PAK2: variants seen among roughly 807,000 people sequenced by gnomAD.
The protein encoded by PAK2 is serine/threonine-protein kinase PAK 2.
Under a neutral mutation model 65.9 loss-of-function variants are expected in PAK2, and 21 were observed. The ratio of observed to expected loss-of-function variants is 0.32; its 90% CI spans 0.23 to 0.46. The LOEUF (loss-of-function observed/expected upper bound fraction) is 0.46, where lower values mean the gene tolerates loss of function less well. PAK2 is among the 20% of genes least tolerant of loss of function. PAK2 has a pLI of 1.00. For missense variants in PAK2, 324 were observed against 642.6 expected, an observed-to-expected ratio of 0.50 and a Z score of 5.36; for synonymous variants, 204 against 219.7, an observed-to-expected ratio of 0.93 and a Z score of 0.63.
intron 13 of PAK2, among the ~76,000 whole-genome samples, chr3:196,821,550 G>A (rs1167400117): frequency 6.6e-6 from 1 of 151,992 alleles, no homozygotes; most frequent in Non-Finnish European, 1.5e-5. Flanking sequence ...GAGCATGGTG[G>A]TGGGTGCCTG....
In PAK2 at chr3:196,791,162, A is replaced by G. The variant is rs1715057776; in HGVS notation, c.187+8329A>G. ...GAGTCGTTATATAAGAGTATTAAAGACATTCTGTTGGTATAGCAATATCTT... is the reference window on the plus strand; with the variant it reads ...GAGTCGTTATATAAGAGTATTAAAGGCATTCTGTTGGTATAGCAATATCTT... On this transcript the variant is annotated intron_variant, in intron 2 of 14. Coordinates refer to ENST00000327134, the MANE Select transcript of PAK2 (RefSeq NM_002577.4). This position sits in a 1 kb window ranked among gnomAD's most constrained non-coding sequence, Gnocchi z 4.0. Among the ~76,000 whole-genome samples, 1 of 152,174 alleles carries G rather than the reference A, an allele frequency of 6.6e-6. No individual in the cohort carries two copies. Among genetic ancestry groups the G allele is most frequent in the Admixed American group, 6.5e-5 (1 of 15,272 alleles).
Position 196,803,124 on chromosome 3 carries a change from C to T in PAK2, c.396C>T (p.Ser132=). The change falls in exon 4 of 15, where the codon TCC becomes TCT. Residue 132 remains serine, a synonymous_variant. Coordinates refer to ENST00000327134, the MANE Select transcript of PAK2 (RefSeq NM_002577.4). The stretch of plus-strand genomic sequence containing the variant: ...TGGATGTCCTAAAGTTCTACGACTC[C>T]AACACAGTGAAGCAGAAATATCTGA... The part of the protein sequence containing the change: ...AVLDVLKFYD[S]NTVKQKYLSF... 1 of 1,612,168 alleles carries T rather than the reference C, an allele frequency of 6.2e-7. No homozygotes were observed. Among genetic ancestry groups the T allele is most frequent in the Non-Finnish European group, 8.5e-7 (1 of 1,179,114 alleles).
At chr3:196,749,070 G>A (rs149987143) in intron 1 of PAK2, among the ~76,000 whole-genome samples, 26 of 129,402 alleles carry the variant, frequency 2.0e-4, no homozygotes, top group African/African-American at 7.1e-4. Context: ...TAGCATGTCA[G>A]AAGTTCTTTT....
intron 1 of PAK2, among the ~76,000 whole-genome samples, chr3:196,748,574 A>T (rs895148295): frequency 1.1e-4 from 17 of 150,550 alleles, no homozygotes; most frequent in Non-Finnish European, 2.2e-4. Flanking sequence ...AGTTGGAATT[A>T]TATAGCGTGT....
intron 1 of PAK2, among the ~76,000 whole-genome samples, chr3:196,776,894 C>T (rs1372371039): frequency 6.6e-6 from 1 of 152,098 alleles, no homozygotes; most frequent in Non-Finnish European, 1.5e-5. Flanking sequence ...GAAGAAAATC[C>T]ACAATTATGT....
In PAK2 at chr3:196,804,789, TA is replaced by T. The variant is rs1715529122; in HGVS notation, c.437-562del. Among the ~76,000 whole-genome samples, 6 of 132,982 alleles carry T rather than the reference TA, an allele frequency of 4.5e-5. No individual in the cohort carries two copies. The Admixed American group carries it at 4.9e-4, about 11-fold the overall frequency. The allele number at this position is 132,982 out of a possible 152,430, so 87.2% of individuals were successfully genotyped here. On this transcript the variant is annotated intron_variant, in intron 4 of 14. Transcript: ENST00000327134. ...CGGCCTGTGCGTATGTAATATGTGA[TA>T]TGTGTGTGTGTGTGTGATATATATA...
At chr3:196,746,456 CAT>C (rs1433927603) in intron 1 of PAK2, among the ~76,000 whole-genome samples, 1 of 152,174 alleles carries the variant, frequency 6.6e-6, no homozygotes, top group Non-Finnish European at 1.5e-5. Context: ...AAATCCCACT[CAT>C]ATTAGTCCTG....
intron 4 of PAK2, 113 bp from the exon 5 acceptor site, chr3:196,805,239 C>T: frequency 1.6e-6 from 1 of 618,148 alleles, no homozygotes; most frequent in Non-Finnish European, 2.8e-6. Context: ...AGAGTTAATT[C>T]AACTTGAAAT....
At chr3:196,792,619 A>T (rs1715108825) in intron 2 of PAK2, among the ~76,000 whole-genome samples, 1 of 152,220 alleles carries the variant, frequency 6.6e-6, no homozygotes, top group Admixed American at 6.5e-5. Context: ...AACTAGTAGT[A>T]TCTTTGTAAA....
intron 1 of PAK2, among the ~76,000 whole-genome samples, chr3:196,768,886 G>A (rs1415426440): frequency 6.6e-6 from 1 of 151,632 alleles, no homozygotes; most frequent in Non-Finnish European, 1.5e-5. Flanking sequence ...GGATGGCCTC[G>A]AACTCCCAGA....
chr3:196,804,157 A>G (rs1715506350), intron 4 of PAK2, among the ~76,000 whole-genome samples: 2 of 152,206 alleles, frequency 1.3e-5, no homozygotes, highest in Admixed American at 6.5e-5. Flanking sequence ...TTCAAAAGCA[A>G]TATGATGGAG....
intron 11 of PAK2, among the ~76,000 whole-genome samples, chr3:196,814,782 C>T (rs1340767742): frequency 6.6e-6 from 1 of 152,040 alleles, no homozygotes; most frequent in Non-Finnish European, 1.5e-5. Context: ...GAATTGTGGA[C>T]CTTTGAAGAT....
At chr3:196,765,143 CTTTTT>C (rs58406576) in intron 1 of PAK2, among the ~76,000 whole-genome samples, 4 of 98,864 alleles carry the variant, frequency 4.0e-5, no homozygotes, top group African/African-American at 8.2e-5. Flanking sequence ...CGTGCCCGGC[CTTTTT>C]TTTTTTTTTT....
Position 196,832,264 on chromosome 3 carries a change from C to T in PAK2, c.*3859C>T, listed in dbSNP as rs1464852879. ...AGAAACAGTTACGTGTGGAATTCAA[C>T]ATCTTTGGTTGGAACGCATTGGCTT... On this transcript the variant is annotated 3_prime_UTR_variant, in exon 15 of 15. Transcript: ENST00000327134. 2 of 152,122 alleles carry T rather than the reference C, an allele frequency of 1.3e-5. No homozygotes were observed. The highest frequency in any genetic ancestry group is 2.9e-5 in the Non-Finnish European group (2 of 68,022). 9.4% of individuals were successfully genotyped at this position (152,122 alleles called of 1,614,324 possible). A position where few individuals can be genotyped will look rare whatever the true frequency, so the allele number is the denominator to read the frequency against.
chr3:196,760,719 G>A (rs1351076036), intron 1 of PAK2, among the ~76,000 whole-genome samples: 1 of 152,190 alleles, frequency 6.6e-6, no homozygotes, highest in Non-Finnish European at 1.5e-5. Context: ...TGCTTTGCTG[G>A]TGAAGATTCT....
chr3:196,825,372 A>G (rs138447759), intron 13 of PAK2, among the ~76,000 whole-genome samples: 2,628 of 151,470 alleles, frequency 0.017, 77 homozygotes, highest in African/African-American at 0.059. Flanking sequence ...GGCCAGATGC[A>G]GTGGCTCACA....
intron 4 of PAK2, among the ~76,000 whole-genome samples, chr3:196,803,939 A>G: frequency 6.6e-6 from 1 of 152,194 alleles, no homozygotes; most frequent in East Asian, 1.9e-4. Flanking sequence ...AGTTCATACA[A>G]CGCAGTTGGT....
chr3:196,760,349 C>G (rs1713919329), intron 1 of PAK2, among the ~76,000 whole-genome samples: 1 of 152,174 alleles, frequency 6.6e-6, no homozygotes, highest in Non-Finnish European at 1.5e-5. Flanking sequence ...CTCCCGGGTT[C>G]AAGCAATTCT....
At chr3:196,755,670 C>G (rs904495360) in intron 1 of PAK2, among the ~76,000 whole-genome samples, 9 of 152,074 alleles carry the variant, frequency 5.9e-5, no homozygotes, top group African/African-American at 1.7e-4. Context: ...GTTGGTCAGG[C>G]TGGTCTCGAA....
Sources: gnomAD v4.1 joint callset for allele counts (sites outside exome capture counted in the v4.1 genomes callset) on GRCh38, gnomAD v4.1.1 for gene constraint, Gnocchi (gnomAD v3.1) non-coding constraint, MANE v1.5 for transcripts, NCBI Gene and HGNC (gene_info 2026-07-23, HGNC 2026-07-21) for gene names.